Variants in RFX4 observed in about 807,000 individuals in gnomAD.
The protein encoded by RFX4 is transcription factor RFX4.
A neutral mutation model predicts 95.0 loss-of-function variants in RFX4; 10 were observed. The observed-to-expected ratio is 0.11, with a 90% CI of 0.06 to 0.18. The LOEUF (loss-of-function observed/expected upper bound fraction) is 0.18. Among genes scored for constraint, RFX4 ranks in the 10% least tolerant of loss-of-function variants. The pLI is 1.00. For missense variants in RFX4, 640 were observed against 922.0 expected (o/e 0.69, Z 3.96); for synonymous variants, 321 against 340.7 (o/e 0.94, Z 0.64).
chr12:106,755,758 A>G (rs1201220781), intron 17 of RFX4, among the ~76,000 whole-genome samples: 1 of 152,256 alleles, frequency 6.6e-6, no homozygotes, highest in Non-Finnish European at 1.5e-5. Context: ...GTAACTGAAT[A>G]TCACACTTCA....
At chr12:106,584,427 G>A (rs879068403) in intron 1 of RFX4, among the ~76,000 whole-genome samples, 1 of 152,180 alleles carries the variant, frequency 6.6e-6, no homozygotes, top group Admixed American at 6.5e-5. Flanking sequence ...ATAGGGCAGT[G>A]GACTCAGCCT....
chr12:106,750,512 T>C (rs1422886796), intron 16 of RFX4, 143 bp from the exon 17 acceptor site: 3 of 636,256 alleles, frequency 4.7e-6, no homozygotes, highest in Non-Finnish European at 6.7e-6. Context: ...GAAAGAAAAA[T>C]GGGATTGGGG....
intron 1 of RFX4, 135 bp downstream of exon 1, chr12:106,583,498 T>A: frequency 1.3e-6 from 1 of 773,668 alleles, no homozygotes. Flanking sequence ...ACGCAGAGCT[T>A]GCAGAAGTTT....
intron 4 of RFX4, among the ~76,000 whole-genome samples, chr12:106,671,818 C>T (rs999036666): frequency 1.1e-4 from 17 of 152,070 alleles, no homozygotes; most frequent in African/African-American, 3.6e-4. Flanking sequence ...CACGCCACCA[C>T]GCCTGACTAG....
At chr12:106,598,654 A>G (rs948081906) in intron 1 of RFX4, among the ~76,000 whole-genome samples, 1 of 152,168 alleles carries the variant, frequency 6.6e-6, no homozygotes, top group Admixed American at 6.5e-5. Context: ...GTTAAAATCT[A>G]TTTGGCTTCT....
intron 15 of RFX4, among the ~76,000 whole-genome samples, chr12:106,745,763 A>C (rs897714274): frequency 2.0e-5 from 3 of 152,148 alleles, no homozygotes; most frequent in Admixed American, 6.5e-5. Context: ...CCTCCCTTAA[A>C]TTCTTTCATG....
intron 4 of RFX4, among the ~76,000 whole-genome samples, chr12:106,659,983 G>A (rs2041040093): frequency 6.6e-6 from 1 of 152,092 alleles, no homozygotes; most frequent in Non-Finnish European, 1.5e-5. Flanking sequence ...TGTATCTCAG[G>A]GATCAAGTGT....
intron 4 of RFX4, among the ~76,000 whole-genome samples, chr12:106,664,290 A>G (rs1565970201): frequency 6.6e-6 from 1 of 151,902 alleles, no homozygotes; most frequent in Non-Finnish European, 1.5e-5. Context: ...GGCAAATCAA[A>G]TCTTTCAAGA....
At chr12:106,747,641 G>C in intron 16 of RFX4, 42 bp downstream of exon 16, 3 of 1,601,160 alleles carry the variant, frequency 1.9e-6, no homozygotes, top group Admixed American at 1.7e-5. Context: ...TTTAAAATTT[G>C]ATCTAAAGAG....
chr12:106,706,105 A>G (rs12298717), intron 8 of RFX4, among the ~76,000 whole-genome samples: 56,871 of 152,104 alleles, frequency 0.37, 10,746 homozygotes, highest in African/African-American at 0.42. Context: ...GCTAAATAAC[A>G]TGGAGCTAAG....
intron 4 of RFX4, among the ~76,000 whole-genome samples, chr12:106,678,020 A>T (rs758125534): frequency 1.3e-5 from 2 of 152,218 alleles, no homozygotes; most frequent in Admixed American, 6.5e-5. Flanking sequence ...TCTATACATT[A>T]TTCAAAAAGA....
intron 15 of RFX4, among the ~76,000 whole-genome samples, chr12:106,738,871 A>G (rs1373729224): frequency 6.6e-6 from 1 of 152,194 alleles, no homozygotes; most frequent in Non-Finnish European, 1.5e-5. Context: ...TAGGAAATCT[A>G]TTACGGTAGG....
At chr12:106,706,114 A>C (rs1565987849) in intron 8 of RFX4, among the ~76,000 whole-genome samples, 1 of 152,232 alleles carries the variant, frequency 6.6e-6, no homozygotes, top group Non-Finnish European at 1.5e-5. Flanking sequence ...CATGGAGCTA[A>C]GCAGGTGAAG....
chr12:106,726,077 C>T (rs1224174225), intron 13 of RFX4, among the ~76,000 whole-genome samples: 4 of 151,698 alleles, frequency 2.6e-5, no homozygotes, highest in African/African-American at 9.7e-5. Context: ...GGTGAAACCC[C>T]GTCTCTACTA....
At chr12:106,743,673 A>C (rs2042844757) in intron 15 of RFX4, among the ~76,000 whole-genome samples, 1 of 152,238 alleles carries the variant, frequency 6.6e-6, no homozygotes, top group South Asian at 2.1e-4. Flanking sequence ...GAGATGAATA[A>C]GGAACAGTTG....
chr12:106,669,839 G>GGTGTGTGTGTGT (rs60975691), intron 4 of RFX4, among the ~76,000 whole-genome samples: 13 of 143,256 alleles, frequency 9.1e-5, no homozygotes, highest in African/African-American at 2.9e-4. Flanking sequence ...TTTTTCTAGG[G>GGTGTGTGTGTGT]GTGTGTGTGT....
chr12:106,727,170 A>G (rs957679893), intron 13 of RFX4, among the ~76,000 whole-genome samples: 2 of 152,230 alleles, frequency 1.3e-5, no homozygotes, highest in Non-Finnish European at 2.9e-5. Flanking sequence ...GACTATGCCA[A>G]AAATCCTAGT....
rs2040411649 is a variant in RFX4, at chr12:106,631,320, C to G, written c.131-8012C>G. ...CATTCACTCATTCCACAAGTGCTTC[C>G]TCCGACCCTACCACATGTGGGTGCT... is the stretch of plus-strand genomic sequence containing the variant. On this transcript the variant is annotated intron_variant, in intron 2 of 17. Coordinates refer to ENST00000392842, the MANE Select transcript of RFX4 (RefSeq NM_213594.3). 2.0e-5 allele frequency among the ~76,000 whole-genome samples: 3 copies of G among 152,194 alleles called. No homozygotes were observed. In the South Asian group the frequency reaches 6.2e-4, roughly 31 times the overall value.
intron 2 of RFX4, among the ~76,000 whole-genome samples, chr12:106,631,354 C>T (rs1185489528): frequency 3.3e-5 from 5 of 152,182 alleles, no homozygotes; most frequent in African/African-American, 7.2e-5. Context: ...CTGGAGACAA[C>T]GGTGAGCAAG....
Sources: allele counts gnomAD v4.1 joint callset (sites outside exome capture counted in the v4.1 genomes callset), GRCh38; gene constraint gnomAD v4.1.1; transcripts MANE v1.5; gene names NCBI Gene and HGNC (gene_info 2026-07-23, HGNC 2026-07-21).